Variants in UBR2 observed in about 807,000 individuals in gnomAD.
UBR2 encodes E3 ubiquitin-protein ligase UBR2.
UBR2 carries 92 observed loss-of-function variants against 247.9 expected under a neutral mutation model. That is an observed-to-expected ratio of 0.37 (90% CI 0.31 to 0.44). The LOEUF is 0.44. Among genes scored for constraint, UBR2 ranks in the 20% least tolerant of loss-of-function variants. The pLI, the probability that UBR2 is intolerant of heterozygous loss-of-function variation, is 1.00. For synonymous variants in UBR2, 672 were observed against 693.5 expected, an observed-to-expected ratio of 0.97 and a Z score of 0.49; for missense variants, 1,613 against 2,112.6, an observed-to-expected ratio of 0.76 and a Z score of 4.64.
intron 15 of UBR2, among the ~76,000 whole-genome samples, chr6:42,637,684 G>A (rs1386751908): frequency 3.3e-5 from 5 of 151,852 alleles, no homozygotes; most frequent in South Asian, 2.1e-4. Flanking sequence ...AGCTTTTTAC[G>A]CAACAGGTCA....
Position 42,581,002 on chromosome 6 carries a change from AAT to A in UBR2, c.338+7010_338+7011del, listed in dbSNP as rs1491561857. 1.1e-3 allele frequency among the ~76,000 whole-genome samples: 124 copies of A among 114,718 alleles called. 1 individual carries two copies. In the Admixed American group the frequency reaches 0.011, roughly 10 times the overall value. 75.3% of individuals were successfully genotyped at this position (114,718 alleles called of 152,430 possible). ...CTTAGATTACCTTGGGTGGTTCTAGAATTTTTTTTTTTTTTTTTTTTTTTTTT... is the reference window on the plus strand; with the variant it reads ...CTTAGATTACCTTGGGTGGTTCTAGATTTTTTTTTTTTTTTTTTTTTTTTT... On this transcript the variant is annotated intron_variant, in intron 2 of 46. Transcript: ENST00000372901.
intron 5 of UBR2, among the ~76,000 whole-genome samples, chr6:42,604,995 C>G (rs1245937136): frequency 6.6e-6 from 1 of 151,684 alleles, no homozygotes; most frequent in Non-Finnish European, 1.5e-5. Context: ...CCACTGCACT[C>G]CAGCCTGGGC....
Position 42,689,275 on chromosome 6 carries a change from T to C in UBR2, c.5025-294T>C, listed in dbSNP as rs1799617211. 6.6e-6 allele frequency among the ~76,000 whole-genome samples: 1 copy of C among 152,168 alleles called. No homozygotes were observed. Among genetic ancestry groups the C allele is most frequent in the Non-Finnish European group, 1.5e-5 (1 of 68,032 alleles). On this transcript the variant is annotated intron_variant, in intron 45 of 46. Coordinates refer to ENST00000372901, the MANE Select transcript of UBR2 (RefSeq NM_001363705.2). This position sits in a 1 kb window ranked among gnomAD's most constrained non-coding sequence, Gnocchi z 4.0. The stretch of plus-strand genomic sequence containing the variant: ...AGCATAGGTTGTATCCATAGCTTAG[T>C]CATCCCCCCAGTACCTTGATAATTT...
chr6:42,615,041 A>T (rs775794884), intron 8 of UBR2, 30 bp from the exon 9 acceptor site: 3 of 1,566,852 alleles, frequency 1.9e-6, no homozygotes, highest in South Asian at 1.1e-5. Flanking sequence ...TGAAGTTGCT[A>T]TCTCATTCTA....
Position 42,594,312 on chromosome 6 carries a change from C to G in UBR2, c.531+8C>G, listed in dbSNP as rs1399624800. 2.5e-6 allele frequency: 4 copies of G among 1,593,364 alleles called. No homozygotes were observed. On this transcript the variant is annotated splice_region_variant and intron_variant, in intron 4 of 46. Transcript: ENST00000372901. The stretch of plus-strand genomic sequence containing the variant: ...GAAATTGAGGAAGAAGAGGTAAAAA[C>G]ATTTTCACAAAGTTGTTTTTAACCC...
intron 13 of UBR2, 147 bp downstream of exon 13, chr6:42,633,051 C>T (rs988251406): frequency 3.8e-6 from 2 of 532,406 alleles, no homozygotes; most frequent in Non-Finnish European, 6.2e-6. Flanking sequence ...TAGTCATAGA[C>T]ACAACCATAG....
At chr6:42,649,715 G>A (rs1796999069) in intron 22 of UBR2, among the ~76,000 whole-genome samples, 1 of 151,988 alleles carries the variant, frequency 6.6e-6, no homozygotes, top group Admixed American at 6.6e-5. Flanking sequence ...TTTCTTTATG[G>A]TTGTTTGTCC....
Position 42,619,445 on chromosome 6 carries a change from ATATATATATTT to A in UBR2, c.1281+1940_1281+1950del, listed in dbSNP as rs1364991131. 43 of 31,974 alleles carry A rather than the reference ATATATATATTT, an allele frequency of 1.3e-3. 3 individuals are homozygous for A. The highest frequency in any genetic ancestry group is 8.8e-3 in the Admixed American group (15 of 1,704). The allele number at this position is 31,974 out of a possible 1,614,324, so 2.0% of individuals were successfully genotyped here. ...TATATATATATATATATATATATAT[ATATATATATTT>A]TTTTTTTTTAGTTCTCTATCTCTGC... On this transcript the variant is annotated intron_variant, in intron 11 of 46. Transcript: ENST00000372901.
chr6:42,678,658 C>G lies in UBR2; in HGVS notation c.4598C>G (p.Pro1533Arg), dbSNP rs2151989648. The stretch of plus-strand genomic sequence containing the variant: ...TACTTAAATGGAGTTCCTTCCCCAC[C>G]CGACATTCAAGGTAATTTATACTTT... ...FHYLNGVPSP[P>R]DIQVPGTSHF... Residue 1533 changes from proline (P) to arginine (R), a missense_variant, in exon 41 of 47, where the codon CCC becomes CGC. Coordinates refer to ENST00000372901, the MANE Select transcript of UBR2 (RefSeq NM_001363705.2). 1.2e-6 allele frequency: 2 copies of G among 1,610,252 alleles called. No individual in the cohort carries two copies. The highest frequency in any genetic ancestry group is 1.7e-6 in the Non-Finnish European group (2 of 1,178,630).
At chr6:42,565,235 A>C (rs1344321980) in intron 1 of UBR2, among the ~76,000 whole-genome samples, 1 of 152,234 alleles carries the variant, frequency 6.6e-6, no homozygotes, top group African/African-American at 2.4e-5. Context: ...TGTAAATAGC[A>C]GAGTTGTAGG....
At chr6:42,627,991 T>C (rs1417552737) in intron 11 of UBR2, among the ~76,000 whole-genome samples, 2 of 152,190 alleles carry the variant, frequency 1.3e-5, no homozygotes, top group Admixed American at 6.5e-5. Flanking sequence ...TTAACAGTTT[T>C]TGCAAAGGTA....
At chr6:42,577,870 G>A (rs965141882) in intron 2 of UBR2, among the ~76,000 whole-genome samples, 1 of 151,746 alleles carries the variant, frequency 6.6e-6, no homozygotes, top group Non-Finnish European at 1.5e-5. Context: ...AGTATTTTAT[G>A]ATGCTTTATT....
At chr6:42,598,399 G>C (rs1017780781) in intron 4 of UBR2, among the ~76,000 whole-genome samples, 1 of 152,136 alleles carries the variant, frequency 6.6e-6, no homozygotes, top group Non-Finnish European at 1.5e-5. Flanking sequence ...CCTATAGCCT[G>C]CTAAGACTAA....
At chr6:42,644,450 T>C in intron 19 of UBR2, 23 bp from the exon 20 acceptor site, 1 of 1,609,500 alleles carries the variant, frequency 6.2e-7, no homozygotes, top group Non-Finnish European at 8.5e-7. Flanking sequence ...TCTCTGAACT[T>C]TATCTTCCCT....
chr6:42,596,851 T>C (rs940336276), intron 4 of UBR2, among the ~76,000 whole-genome samples: 1 of 152,092 alleles, frequency 6.6e-6, no homozygotes, highest in Non-Finnish European at 1.5e-5. Context: ...GAGAAATGGC[T>C]TAGTAGGTAA....
chr6:42,666,220 G>C lies in UBR2; in HGVS notation c.3856G>C (p.Gly1286Arg). ...ENVDELQLPE[G>R]FRPDFRPKIP... ...TGTGGATGAATTACAGCTCCCTGAA[G>C]GGTTCAGGCCTGATTTTCGTCCTAA... The change falls in exon 34 of 47, where the codon GGG becomes CGG. Residue 1286 changes from glycine to arginine, a missense_variant. Gly to Arg is a moderately radical substitution (Grantham distance 125). Transcript: ENST00000372901. The C allele has an allele frequency of 6.2e-7, 1 of 1,612,916 alleles. No individual in the cohort carries two copies. Among genetic ancestry groups the C allele is most frequent in the Non-Finnish European group, 8.5e-7 (1 of 1,179,450 alleles).
chr6:42,661,636 A>T (rs974059418), intron 30 of UBR2, among the ~76,000 whole-genome samples: 22 of 152,256 alleles, frequency 1.4e-4, no homozygotes, highest in Non-Finnish European at 2.8e-4. Flanking sequence ...ACTCTGAATT[A>T]CCTTTTTTCC....
At chr6:42,606,768 T>C (rs895549370) in intron 7 of UBR2, 117 bp downstream of exon 7, 15 of 790,990 alleles carry the variant, frequency 1.9e-5, no homozygotes, top group Non-Finnish European at 2.9e-5. Flanking sequence ...AAATTATGTT[T>C]AAAGATAATG....
chr6:42,652,793 A>G (rs1310163309), intron 25 of UBR2, 148 bp downstream of exon 25: 21 of 749,844 alleles, frequency 2.8e-5, no homozygotes, highest in Non-Finnish European at 3.7e-5. Flanking sequence ...TGTGTCTGAC[A>G]GTAAAAACAA....
Sources: gnomAD v4.1 joint callset for allele counts (sites outside exome capture counted in the v4.1 genomes callset) on GRCh38, gnomAD v4.1.1 for gene constraint, Gnocchi (gnomAD v3.1) non-coding constraint, MANE v1.5 for transcripts, NCBI Gene and HGNC (gene_info 2026-07-23, HGNC 2026-07-21) for gene names.